Variants in DOCK8 observed in about 807,000 individuals in gnomAD.
The protein encoded by DOCK8 is dedicator of cytokinesis 8.
Under a neutral mutation model 245.6 loss-of-function variants are expected in DOCK8, and 141 were observed. The observed-to-expected ratio is 0.57, with a 90% confidence interval of 0.50 to 0.66. DOCK8 has a LOEUF of 0.66. DOCK8 is among the 30% of genes least tolerant of loss of function. The pLI is 0.00. For synonymous variants in DOCK8, 1,168 were observed against 970.2 expected (o/e 1.20, Z -3.79); for missense variants, 2,965 against 2,603.4 (o/e 1.14, Z -3.02).
Position 323,640 on chromosome 9 carries a change from G to T in DOCK8, c.828-2031G>T, listed in dbSNP as rs548963668. The stretch of plus-strand genomic sequence containing the variant: ...TTTTCTCTTCCCAAACTGAAACTCT[G>T]TACCCGTTAAACAATAACTCCTTAT... On this transcript the variant is annotated intron_variant, in intron 7 of 47. Transcript: ENST00000432829. Among the ~76,000 whole-genome samples, 10 of 152,194 alleles carry T rather than the reference G, an allele frequency of 6.6e-5. No homozygotes were observed. The East Asian group carries it at 1.9e-3, about 29-fold the overall frequency.
intron 1 of DOCK8, among the ~76,000 whole-genome samples, chr9:239,915 C>T (rs1219068782): frequency 6.6e-6 from 1 of 152,134 alleles, no homozygotes; most frequent in African/African-American, 2.4e-5. Flanking sequence ...AAGGATACAG[C>T]GTAATTTAAC....
chr9:325,610 T>G (rs1212349028), intron 7 of DOCK8, 61 bp from the exon 8 acceptor site: 1 of 1,432,648 alleles, frequency 7.0e-7, no homozygotes, highest in Non-Finnish European at 9.9e-7. Flanking sequence ...CTAGGTGTTT[T>G]CAGAAAATTC....
rs371596862 is a variant in DOCK8 at position 463,535 on chromosome 9, G to C, written c.6087G>C (p.Glu2029Asp). The C allele has an allele frequency of 4.3e-5, 70 of 1,614,184 alleles. No individual in the cohort carries two copies. Among genetic ancestry groups the C allele is most frequent in the South Asian group, 4.0e-4 (36 of 91,084 alleles). The change falls in exon 47 of 48, where the codon GAG becomes GAC. Residue 2029 changes from glutamate (E) to aspartate (D), a missense_variant. By Grantham distance (45) the Glu-to-Asp change is conservative. This residue lies in a region of DOCK8 where 134 missense variants were observed against 128.1 expected (regional missense o/e 1.05). Coordinates refer to ENST00000432829, the MANE Select transcript of DOCK8 (RefSeq NM_203447.4). ...ATCTCAGATGTGGTGAAGCTGTAGAGAAAAACAAGCGTCTCATCACGGCAG... is the reference window on the plus strand; with the variant it reads ...ATCTCAGATGTGGTGAAGCTGTAGACAAAAACAAGCGTCTCATCACGGCAG... Reference protein sequence around the residue: ...EFIMRCGEAVEKNKRLITADQ... With the variant: ...EFIMRCGEAVDKNKRLITADQ...
intron 24 of DOCK8, among the ~76,000 whole-genome samples, chr9:394,597 G>A (rs1286823033): frequency 2.6e-5 from 4 of 152,168 alleles, no homozygotes; most frequent in Non-Finnish European, 4.4e-5. Context: ...TTTCACACTT[G>A]CTAATGAATA....
In DOCK8 at chr9:440,108, T is replaced by G. The variant is rs1185567289; in HGVS notation, c.5223+720T>G. ...ATCATGGCTCACTGCAGCCTCTACC[T>G]CCAGGGTTCAAGCAACTCTCCTGCC... On this transcript the variant is annotated intron_variant, in intron 40 of 47. Transcript: ENST00000432829. Among the ~76,000 whole-genome samples the G allele has an allele frequency of 2.6e-5, 4 of 152,232 alleles. No individual in the cohort carries two copies. In the East Asian group the frequency reaches 7.7e-4, roughly 29 times the overall value.
Position 441,949 on chromosome 9 carries a change from G to C in DOCK8, c.5430G>C (p.Gln1810His). Residue 1810 changes from glutamine to histidine, a missense_variant, in exon 42 of 48, where the codon CAG (glutamine) becomes CAC (histidine). Physicochemically the swap from Gln to His is conservative, Grantham distance 24 (BLOSUM62 0). Coordinates refer to ENST00000432829, the MANE Select transcript of DOCK8 (RefSeq NM_203447.4). ...CCAAATTTGGGGATTTGGATGAACA[G>C]GAGTTTGTCTACAAAGAGCCTGCAA... ...FGSKFGDLDE[Q>H]EFVYKEPAIT... 3 of 1,614,126 alleles carry C rather than the reference G, an allele frequency of 1.9e-6. No homozygotes were observed. Among genetic ancestry groups the C allele is most frequent in the Non-Finnish European group, 2.5e-6 (3 of 1,180,018 alleles).
At position 396,809 on chromosome 9, in the gene DOCK8, C is replaced by G. The variant is rs745843220; in HGVS notation, c.2995C>G (p.His999Asp). 4 of 1,614,146 alleles carry G rather than the reference C, an allele frequency of 2.5e-6. No homozygotes were observed. The highest frequency in any genetic ancestry group is 3.4e-6 in the Non-Finnish European group (4 of 1,180,032). The change falls in exon 25 of 48, where the codon CAT becomes GAT. Residue 999 changes from histidine to aspartate, a missense_variant. Coordinates refer to ENST00000432829, the MANE Select transcript of DOCK8 (RefSeq NM_203447.4). ...GGTGAAAAGCATGGCCCAGCACGTACATAACATGGACAAACGGGACAGTTT... is the reference window on the plus strand; with the variant it reads ...GGTGAAAAGCATGGCCCAGCACGTAGATAACATGGACAAACGGGACAGTTT... ...LLVKSMAQHV[H>D]NMDKRDSFRR...
intron 1 of DOCK8, among the ~76,000 whole-genome samples, chr9:258,247 G>GTCACC (rs1563847038): frequency 1.3e-5 from 2 of 152,018 alleles, no homozygotes; most frequent in African/African-American, 4.8e-5. Flanking sequence ...CTGAAGTCAC[G>GTCACC]TCACTAAGTC....
chr9:413,206 A>G (rs114182408), intron 28 of DOCK8, among the ~76,000 whole-genome samples: 2 of 152,184 alleles, frequency 1.3e-5, no homozygotes, highest in African/African-American at 2.4e-5. Context: ...GGGTATCCAC[A>G]CTCAAAAGAA....
chr9:288,500 T>C (rs966596336), intron 3 of DOCK8, among the ~76,000 whole-genome samples: 4 of 152,224 alleles, frequency 2.6e-5, no homozygotes, highest in Admixed American at 2.0e-4. Context: ...TTAATACATA[T>C]AAAGTGATTG....
chr9:442,050 AC>A, intron 42 of DOCK8, 41 bp downstream of exon 42: 3 of 1,612,348 alleles, frequency 1.9e-6, no homozygotes, highest in Non-Finnish European at 2.5e-6. Flanking sequence ...GGTACACTTT[AC>A]AAAAACAAGT....
At chr9:403,397 G>T (rs1469949480) in intron 26 of DOCK8, among the ~76,000 whole-genome samples, 1 of 152,144 alleles carries the variant, frequency 6.6e-6, no homozygotes, top group African/African-American at 2.4e-5. Flanking sequence ...AGTCAGCCAG[G>T]AGTGCACATC....
chr9:360,210 G>C (rs1308758049), intron 14 of DOCK8, among the ~76,000 whole-genome samples: 3 of 151,938 alleles, frequency 2.0e-5, no homozygotes, highest in Non-Finnish European at 4.4e-5. Context: ...CAGCTACTCA[G>C]GAGGCCGAGG....
chr9:464,990 C>T lies in DOCK8; in HGVS notation c.*771C>T, dbSNP rs2057925857. ...TAATGCTTTGCTTTTTTTCTTATGT[C>T]ACTCTTGTGTACTATCTATTTTTCT... On this transcript the variant is annotated 3_prime_UTR_variant, in exon 48 of 48. Coordinates refer to ENST00000432829, the MANE Select transcript of DOCK8 (RefSeq NM_203447.4). The T allele has an allele frequency of 6.5e-6, 1 of 152,820 alleles. No individual in the cohort carries two copies. 9.5% of individuals were successfully genotyped at this position (152,820 alleles called of 1,614,324 possible). A position where few individuals can be genotyped will look rare whatever the true frequency, so the allele number is the denominator to read the frequency against.
intron 1 of DOCK8, among the ~76,000 whole-genome samples, chr9:236,560 A>G (rs1364821158): frequency 2.0e-5 from 3 of 152,194 alleles, no homozygotes; most frequent in African/African-American, 7.2e-5. Flanking sequence ...TAGCACCTCT[A>G]TCCCACTAGT....
chr9:273,073 G>A (rs931607161), intron 2 of DOCK8: 130 of 985,196 alleles, frequency 1.3e-4, no homozygotes, highest in Non-Finnish European at 1.6e-4. Context: ...AACAATTTAC[G>A]CGCCGTGTAA....
At chr9:433,804 T>A in intron 37 of DOCK8, 71 bp from the exon 38 acceptor site, 1 of 1,310,020 alleles carries the variant, frequency 7.6e-7, no homozygotes, top group Non-Finnish European at 1.1e-6. Context: ...CCCCTTGCAT[T>A]TCAATGTAAT....
intron 26 of DOCK8, among the ~76,000 whole-genome samples, chr9:403,900 A>ATATATATGTGTATATATATATGTG (rs1564021075): frequency 3.3e-5 from 3 of 89,872 alleles, no homozygotes; most frequent in Non-Finnish European, 5.8e-5. Context: ...CTCTATATAT[A>ATATATATGTGTATATATATATGTG]TATATATATA....
intron 1 of DOCK8, among the ~76,000 whole-genome samples, chr9:245,285 A>G (rs13301418): frequency 0.044 from 6,725 of 151,732 alleles, 174 homozygotes; most frequent in South Asian, 0.08. Context: ...GCTCACTGCA[A>G]CCTCCACCTC....
Sources: allele counts gnomAD v4.1 joint callset (sites outside exome capture counted in the v4.1 genomes callset), GRCh38; gene constraint gnomAD v4.1.1; regional missense constraint gnomAD v4.1.1; transcripts MANE v1.5; gene names NCBI Gene and HGNC (gene_info 2026-07-23, HGNC 2026-07-21).